RBFOX1: variants seen among roughly 807,000 people sequenced by gnomAD.
The protein encoded by RBFOX1 is RNA binding protein fox-1 homolog 1.
A neutral mutation model predicts 57.7 loss-of-function variants in RBFOX1; 8 were observed. The ratio of observed to expected loss-of-function variants is 0.14; its 90% CI spans 0.08 to 0.25. The LOEUF (loss-of-function observed/expected upper bound fraction) is 0.25. RBFOX1 is among the 10% of genes least tolerant of loss of function. RBFOX1 has a pLI of 1.00. For synonymous variants in RBFOX1, 326 were observed against 222.4 expected (o/e 1.47, Z -4.15); for missense variants, 611 against 548.5 (o/e 1.11, Z -1.14).
intron 13 of RBFOX1, among the ~76,000 whole-genome samples, chr16:7,669,746 C>A (rs1179171122): frequency 2.6e-5 from 4 of 152,140 alleles, no homozygotes; most frequent in African/African-American, 9.7e-5. Flanking sequence ...TGAGATGTGT[C>A]AGTAGCTTTG....
intron 1 of RBFOX1, among the ~76,000 whole-genome samples, chr16:6,182,112 G>C (rs2097067983): frequency 6.6e-6 from 1 of 152,152 alleles, no homozygotes. Context: ...GGTGAATATA[G>C]TGCATTCTGT....
intron 3 of RBFOX1, among the ~76,000 whole-genome samples, chr16:6,957,116 T>TTA (rs1555677707): frequency 3.5e-4 from 49 of 139,248 alleles, no homozygotes; most frequent in East Asian, 2.6e-3. Flanking sequence ...TTATTTTTAT[T>TTA]TTTATTTATT....
At chr16:6,072,827 C>T (rs1202501157) in intron 1 of RBFOX1, among the ~76,000 whole-genome samples, 1 of 152,232 alleles carries the variant, frequency 6.6e-6, no homozygotes, top group Non-Finnish European at 1.5e-5. Context: ...CTCTACCCCA[C>T]TCCACATGTC....
At chr16:6,950,665 G>C (rs182855911) in intron 3 of RBFOX1, among the ~76,000 whole-genome samples, 191 of 152,234 alleles carry the variant, frequency 1.3e-3, no homozygotes, top group Admixed American at 4.4e-3. Context: ...TGCAGAAAGA[G>C]GTGAGGTTCA....
intron 4 of RBFOX1, among the ~76,000 whole-genome samples, chr16:5,889,604 C>G (rs981894970): frequency 6.6e-6 from 1 of 152,178 alleles, no homozygotes; most frequent in Non-Finnish European, 1.5e-5. Flanking sequence ...GCCAGTCACA[C>G]TTTTGGGCAC....
intron 1 of RBFOX1, among the ~76,000 whole-genome samples, chr16:6,262,213 C>A (rs1459048218): frequency 6.6e-6 from 1 of 152,068 alleles, no homozygotes; most frequent in Non-Finnish European, 1.5e-5. Context: ...GCCATCATAC[C>A]CTCATTCAGA....
chr16:7,030,380 A>G (rs994437736), intron 3 of RBFOX1, among the ~76,000 whole-genome samples: 10 of 152,194 alleles, frequency 6.6e-5, no homozygotes, highest in African/African-American at 1.9e-4. Flanking sequence ...CTTTAAAACA[A>G]CAGAAGTTTA....
intron 1 of RBFOX1, among the ~76,000 whole-genome samples, chr16:6,268,975 C>T (rs1156996397): frequency 6.6e-6 from 1 of 152,134 alleles, no homozygotes; most frequent in Non-Finnish European, 1.5e-5. Context: ...AAACATCCTC[C>T]TGTATGCTTT....
intron 3 of RBFOX1, among the ~76,000 whole-genome samples, chr16:7,034,827 C>CTTTTTTTTTTTTTTTTTTTTTT (rs113413414): frequency 5.5e-5 from 3 of 54,114 alleles, no homozygotes; most frequent in Non-Finnish European, 9.3e-5. Context: ...TATTGCATTA[C>CTTTTTTTTTTTTTTTTTTTTTT]TTTTTTTTTT....
chr16:5,857,291 T>C (rs150330587), intron 3 of RBFOX1, among the ~76,000 whole-genome samples: 21 of 152,174 alleles, frequency 1.4e-4, no homozygotes, highest in South Asian at 8.3e-4. Flanking sequence ...ACAATTACAA[T>C]AGCAGTATCA....
intron 3 of RBFOX1, among the ~76,000 whole-genome samples, chr16:6,691,229 G>A (rs9937025): frequency 0.075 from 11,426 of 152,178 alleles, 477 homozygotes; most frequent in Non-Finnish European, 0.086. Context: ...ATGGTTTTCT[G>A]TCCCTATAAA....
At chr16:5,582,169 AGT>A (rs2046689432) in intron 2 of RBFOX1, among the ~76,000 whole-genome samples, 2 of 152,314 alleles carry the variant, frequency 1.3e-5, no homozygotes, top group East Asian at 3.9e-4. Context: ...TCGCCCCGGG[AGT>A]ACCAGACCTC....
chr16:7,340,898 T>C (rs775228932), intron 4 of RBFOX1, among the ~76,000 whole-genome samples: 1 of 152,186 alleles, frequency 6.6e-6, no homozygotes. Flanking sequence ...ATTTTGATCA[T>C]TTTAAAGGCA....
chr16:5,300,877 C>G (rs928730621), intron 1 of RBFOX1, among the ~76,000 whole-genome samples: 1 of 152,192 alleles, frequency 6.6e-6, no homozygotes, highest in Admixed American at 6.5e-5. Context: ...GTGATGTCCT[C>G]TCTTTAATTG....
At chr16:7,128,712 G>C (rs1259816443) in intron 4 of RBFOX1, among the ~76,000 whole-genome samples, 1 of 152,078 alleles carries the variant, frequency 6.6e-6, no homozygotes, top group African/African-American at 2.4e-5. Context: ...TCTACCACTT[G>C]ATGGGAGGAT....
chr16:6,811,035 CTGA>C lies in RBFOX1; in HGVS notation c.-16+156393_-16+156395del, dbSNP rs771817755. 2.6e-5 allele frequency among the ~76,000 whole-genome samples: 4 copies of C among 152,258 alleles called. No individual in the cohort carries two copies. In the East Asian group the frequency reaches 5.8e-4, roughly 22 times the overall value. Reference sequence around the variant, plus strand: ...TAGTTACAGAACACACACAGAAAAACTGATGATGATAAGATACCCCGAAAAACA... The same window carrying C: ...TAGTTACAGAACACACACAGAAAAACTGATGATAAGATACCCCGAAAAACA... On this transcript the variant is annotated intron_variant, in intron 3 of 15. Coordinates refer to ENST00000550418, the MANE Select transcript of RBFOX1 (RefSeq NM_018723.4).
intron 1 of RBFOX1, among the ~76,000 whole-genome samples, chr16:6,250,355 G>A (rs917044971): frequency 3.3e-5 from 5 of 152,108 alleles, no homozygotes; most frequent in African/African-American, 9.7e-5. Context: ...AATATTAAGC[G>A]AACTACCTCA....
intron 3 of RBFOX1, among the ~76,000 whole-genome samples, chr16:6,671,369 A>C (rs540633859): frequency 1.3e-5 from 2 of 152,334 alleles, no homozygotes; most frequent in African/African-American, 4.8e-5. Flanking sequence ...AACACATCTT[A>C]TAAGATATTT....
At chr16:7,073,712 A>G (rs190391958) in intron 4 of RBFOX1, among the ~76,000 whole-genome samples, 1 of 152,014 alleles carries the variant, frequency 6.6e-6, no homozygotes, top group Non-Finnish European at 1.5e-5. Flanking sequence ...TACAAAAAAA[A>G]ATTACACAGG....
Sources: gnomAD v4.1 joint callset for allele counts (sites outside exome capture counted in the v4.1 genomes callset) on GRCh38, gnomAD v4.1.1 for gene constraint, MANE v1.5 for transcripts, NCBI Gene and HGNC (gene_info 2026-07-23, HGNC 2026-07-21) for gene names.